EXOC4: variants seen among roughly 807,000 people sequenced by gnomAD.
The protein encoded by EXOC4 is SEC8-like 1.
Under a neutral mutation model 107.2 loss-of-function variants are expected in EXOC4, and 71 were observed. That is an observed-to-expected ratio of 0.66 (90% CI 0.55 to 0.81). The LOEUF is 0.81. EXOC4 is among the 30% of genes least tolerant of loss of function. The pLI, the probability that EXOC4 is intolerant of heterozygous loss-of-function variation, is 0.00. For synonymous variants in EXOC4, 456 were observed against 441.2 expected (o/e 1.03, Z -0.42); for missense variants, 1,108 against 1,189.6 (o/e 0.93, Z 1.01).
rs1799285927 is a variant in EXOC4 at position 133,895,512 on chromosome 7, A to T, written c.1735-87A>T. The T allele has an allele frequency of 2.2e-6, 3 of 1,369,846 alleles. No homozygotes were observed. In the East Asian group the frequency reaches 7.0e-5, roughly 32 times the overall value. 84.9% of individuals were successfully genotyped at this position (1,369,846 alleles called of 1,614,324 possible). A position where few individuals can be genotyped will look rare whatever the true frequency, so the allele number is the denominator to read the frequency against. On this transcript the variant is annotated intron_variant, in intron 11 of 17. Transcript: ENST00000253861. ...TCTTGCAGGAGAGCTCAGGTACCTT[A>T]AATTATGACATACTTGGAGTTGTCC...
rs545874950 is a variant in EXOC4 at position 133,389,488 on chromosome 7, G to A, written c.1182+14486G>A. On this transcript the variant is annotated intron_variant, in intron 7 of 17. Coordinates refer to ENST00000253861, the MANE Select transcript of EXOC4 (RefSeq NM_021807.4). ...CTTGGGAGGCTGAGGCAGGAGAATC[G>A]CTTGAACCCAGGAGGCGGAGCTTGC... is the stretch of plus-strand genomic sequence containing the variant. Among the ~76,000 whole-genome samples the A allele has an allele frequency of 1.6e-4, 24 of 149,272 alleles. No individual in the cohort carries two copies. In the South Asian group the frequency reaches 2.1e-3, roughly 13 times the overall value.
chr7:133,435,437 G>A (rs1159507769), intron 7 of EXOC4, among the ~76,000 whole-genome samples: 1 of 152,154 alleles, frequency 6.6e-6, no homozygotes. Context: ...TGTGGTATAA[G>A]CTGCAAAGGC....
At chr7:133,930,256 T>A (rs1409219845) in intron 13 of EXOC4, among the ~76,000 whole-genome samples, 1 of 152,216 alleles carries the variant, frequency 6.6e-6, no homozygotes, top group Non-Finnish European at 1.5e-5. Flanking sequence ...ACTGCATACC[T>A]ACAGAAGTCC....
chr7:134,091,840 G>A, the EXOC4 span, among the ~76,000 whole-genome samples: 2 of 152,176 alleles, frequency 1.3e-5, no homozygotes, highest in African/African-American at 4.8e-5. Flanking sequence ...GAGAGCAGGG[G>A]CAGAGTGTAC....
chr7:134,038,073 G>A (rs1298584782), intron 17 of EXOC4, among the ~76,000 whole-genome samples: 2 of 152,132 alleles, frequency 1.3e-5, no homozygotes, highest in African/African-American at 4.8e-5. Context: ...ACCTACTATG[G>A]ACCACTCAGT....
chr7:133,405,771 G>A (rs923899576), intron 7 of EXOC4, among the ~76,000 whole-genome samples: 1 of 152,150 alleles, frequency 6.6e-6, no homozygotes, highest in Admixed American at 6.5e-5. Flanking sequence ...TATAATAAAA[G>A]TTATGTGAAT....
intron 14 of EXOC4, among the ~76,000 whole-genome samples, chr7:133,978,701 T>C (rs1320714758): frequency 6.6e-6 from 1 of 152,232 alleles, no homozygotes; most frequent in African/African-American, 2.4e-5. Flanking sequence ...ACCTTCCTGC[T>C]GCGAGGAAGC....
At chr7:134,025,177 A>C (rs756891354) in intron 17 of EXOC4, among the ~76,000 whole-genome samples, 59 of 152,132 alleles carry the variant, frequency 3.9e-4, no homozygotes, top group Admixed American at 1.7e-3. Flanking sequence ...AATAATTGTT[A>C]ATCTTAGCTT....
rs771178688 is a variant in EXOC4 at position 133,766,394 on chromosome 7, G to A, written c.1515-50931G>A. 3.9e-5 allele frequency among the ~76,000 whole-genome samples: 6 copies of A among 152,012 alleles called. No individual in the cohort carries two copies. The East Asian group carries it at 5.8e-4, about 15-fold the overall frequency. On this transcript the variant is annotated intron_variant, in intron 10 of 17. Transcript: ENST00000253861. ...GTAATTCTTTAAAGGAAAGCAACTC[G>A]CTTTCTATTTAAATTAAACTTCAAT...
At chr7:133,817,225 C>A in intron 10 of EXOC4, 100 bp from the exon 11 acceptor site, 1 of 787,342 alleles carries the variant, frequency 1.3e-6, no homozygotes, top group African/African-American at 1.7e-5. Flanking sequence ...CTGCCCTCTT[C>A]ACAGAAATAG....
chr7:134,068,526 T>G (rs1355657420), downstream of EXOC4, among the ~76,000 whole-genome samples: 1 of 150,926 alleles, frequency 6.6e-6, no homozygotes, highest in Non-Finnish European at 1.5e-5. Context: ...TAAACCTCTT[T>G]TTCATTATAA....
intron 9 of EXOC4, among the ~76,000 whole-genome samples, chr7:133,619,239 T>C (rs1386148263): frequency 6.6e-6 from 1 of 152,212 alleles, no homozygotes; most frequent in African/African-American, 2.4e-5. Flanking sequence ...ATTTTGTATT[T>C]ACAGAGCACT....
intron 5 of EXOC4, among the ~76,000 whole-genome samples, chr7:133,352,620 G>A (rs190184543): frequency 4.6e-5 from 7 of 151,996 alleles, no homozygotes; most frequent in African/African-American, 1.7e-4. Context: ...TGGTTGGACA[G>A]TTTAACCCAT....
chr7:133,644,672 A>G (rs192721290), intron 10 of EXOC4, among the ~76,000 whole-genome samples: 58 of 152,078 alleles, frequency 3.8e-4, no homozygotes, highest in Non-Finnish European at 7.4e-4. Context: ...CGTGAATCTG[A>G]TTCTAAATCT....
intron 7 of EXOC4, among the ~76,000 whole-genome samples, chr7:133,390,706 A>G (rs547224206): frequency 3.9e-5 from 6 of 152,320 alleles, no homozygotes; most frequent in South Asian, 4.1e-4. Flanking sequence ...TCCAGAGACT[A>G]CAGAGAATGT....
intron 9 of EXOC4, among the ~76,000 whole-genome samples, chr7:133,497,934 C>T (rs1029420464): frequency 1.3e-5 from 2 of 152,118 alleles, no homozygotes; most frequent in South Asian, 2.1e-4. Context: ...TTCTGTGTTA[C>T]TGTGGGCTTT....
chr7:133,671,056 C>T (rs1382815250), intron 10 of EXOC4, among the ~76,000 whole-genome samples: 1 of 152,100 alleles, frequency 6.6e-6, no homozygotes, highest in Non-Finnish European at 1.5e-5. Context: ...AGACGCATTC[C>T]TGGTAGAGGA....
At chr7:133,886,529 A>G (rs1162014932) in intron 11 of EXOC4, among the ~76,000 whole-genome samples, 2 of 152,118 alleles carry the variant, frequency 1.3e-5, no homozygotes, top group Non-Finnish European at 2.9e-5. Context: ...TATTACATCA[A>G]CTGTCCTGGG....
chr7:133,512,868 C>G (rs920802863), intron 9 of EXOC4, among the ~76,000 whole-genome samples: 1 of 152,134 alleles, frequency 6.6e-6, no homozygotes, highest in African/African-American at 2.4e-5. Flanking sequence ...TGCGGTGGCT[C>G]ACGCCTGCGG....
Sources: allele counts gnomAD v4.1 joint callset (sites outside exome capture counted in the v4.1 genomes callset), GRCh38; gene constraint gnomAD v4.1.1; transcripts MANE v1.5; gene names NCBI Gene and HGNC (gene_info 2026-07-23, HGNC 2026-07-21).